The following AGBL1 variants were observed in gnomAD, a reference collection of about 807,000 sequenced individuals.
The protein encoded by AGBL1 is cytosolic carboxypeptidase 4.
In AGBL1, 130 loss-of-function variants were observed where a neutral mutation model predicts 118.9. The observed-to-expected ratio is 1.09, with a 90% CI of 0.95 to 1.26. The LOEUF (loss-of-function observed/expected upper bound fraction) is 1.26. AGBL1 is among the 50% of genes most tolerant of loss of function. AGBL1 has a pLI of 0.00. For synonymous variants in AGBL1, 555 were observed against 478.9 expected (o/e 1.16, Z -2.08); for missense variants, 1,584 against 1,298.1 (o/e 1.22, Z -3.38).
At chr15:86,490,881 A>G (rs2082769346) in intron 18 of AGBL1, among the ~76,000 whole-genome samples, 1 of 152,112 alleles carries the variant, frequency 6.6e-6, no homozygotes, top group African/African-American at 2.4e-5. Flanking sequence ...TTGTTCTGTA[A>G]CTTCTGTGAG....
intron 22 of AGBL1, among the ~76,000 whole-genome samples, chr15:86,777,595 A>G (rs2078276768): frequency 6.6e-6 from 1 of 152,188 alleles, no homozygotes; most frequent in African/African-American, 2.4e-5. Context: ...TTATGACATT[A>G]TAATTACCAT....
chr15:86,591,953 T>G (rs1352019359), intron 21 of AGBL1, among the ~76,000 whole-genome samples: 1 of 152,104 alleles, frequency 6.6e-6, no homozygotes, highest in Non-Finnish European at 1.5e-5. Flanking sequence ...ACTGTGGAGA[T>G]TCTAAGGATT....
chr15:86,197,910 G>A (rs1425906748), intron 5 of AGBL1, among the ~76,000 whole-genome samples: 1 of 151,730 alleles, frequency 6.6e-6, no homozygotes, highest in Non-Finnish European at 1.5e-5. Context: ...AAAAAAAAAG[G>A]AAAGACTCCA....
At chr15:86,658,632 C>CTCT (rs1300234997) in intron 21 of AGBL1, among the ~76,000 whole-genome samples, 5 of 152,330 alleles carry the variant, frequency 3.3e-5, no homozygotes, top group South Asian at 2.1e-4. Flanking sequence ...TGTAGACTGA[C>CTCT]TCTTACTTTG....
chr15:86,804,903 T>G (rs2078696403), intron 22 of AGBL1, among the ~76,000 whole-genome samples: 1 of 152,120 alleles, frequency 6.6e-6, no homozygotes, highest in Admixed American at 6.6e-5. Flanking sequence ...AACCATGGAA[T>G]ATAAACCAAG....
At chr15:86,654,539 T>A (rs888815411) in intron 21 of AGBL1, among the ~76,000 whole-genome samples, 7 of 152,190 alleles carry the variant, frequency 4.6e-5, no homozygotes, top group Admixed American at 3.9e-4. Context: ...TTAGTGTCCA[T>A]TAGTACCAGG....
rs536447835 is a variant in AGBL1 at position 86,710,434 on chromosome 15, A to G, written c.3158+35998A>G. Among the ~76,000 whole-genome samples, 15 of 152,326 alleles carry G rather than the reference A, an allele frequency of 9.8e-5. No individual in the cohort carries two copies. The East Asian group carries it at 2.3e-3, about 24-fold the overall frequency. On this transcript the variant is annotated intron_variant, in intron 22 of 22. Transcript: ENST00000614907. ...AATGACTGTGAACCAAGGTAGTTCT[A>G]TTATTTCCAATGGAAAGATAATTTG...
rs913187067 is a variant in AGBL1, at chr15:86,571,757, G to A, written c.2994+17220G>A. 3.9e-5 allele frequency among the ~76,000 whole-genome samples: 6 copies of A among 152,292 alleles called. No individual in the cohort carries two copies. In the East Asian group the frequency reaches 9.7e-4, roughly 25 times the overall value. On this transcript the variant is annotated intron_variant, in intron 21 of 22. Coordinates refer to ENST00000614907, the MANE Select transcript of AGBL1 (RefSeq NM_001386094.1). Reference sequence around the variant, plus strand: ...CTGATTGATCCATGAGCAGCCATGGGTGGGCCCAGGCAAAAGCACCACAAG... The same window carrying A: ...CTGATTGATCCATGAGCAGCCATGGATGGGCCCAGGCAAAAGCACCACAAG...
At chr15:86,163,531 C>A (rs59608099) in intron 5 of AGBL1, among the ~76,000 whole-genome samples, 4,332 of 152,106 alleles carry the variant, frequency 0.028, 81 homozygotes, top group Middle Eastern at 0.048. Context: ...AGTTTGAGAC[C>A]AGCCTGGCCA....
intron 5 of AGBL1, among the ~76,000 whole-genome samples, chr15:86,216,476 T>C (rs2078190605): frequency 2.0e-5 from 3 of 152,216 alleles, no homozygotes. Flanking sequence ...AAAAATATGA[T>C]GGATTTTATC....
intron 17 of AGBL1, among the ~76,000 whole-genome samples, chr15:86,343,511 G>A (rs1459021651): frequency 6.6e-6 from 1 of 152,108 alleles, no homozygotes; most frequent in African/African-American, 2.4e-5. Flanking sequence ...TGCCCCAGTC[G>A]GGTTGGAAAT....
At chr15:87,005,692 T>A (rs2081491985) in intron 24 of AGBL1, among the ~76,000 whole-genome samples, 1 of 152,232 alleles carries the variant, frequency 6.6e-6, no homozygotes, top group South Asian at 2.1e-4. Flanking sequence ...TCTCTACTTG[T>A]CAAAGTCATT....
Position 86,964,374 on chromosome 15 carries a change from A to G in AGBL1, c.3222-23613A>G, listed in dbSNP as rs143942700. 3.2e-4 allele frequency among the ~76,000 whole-genome samples: 48 copies of G among 152,026 alleles called. No homozygotes were observed. In the East Asian group the frequency reaches 9.0e-3, roughly 28 times the overall value. On this transcript the variant is annotated intron_variant, in intron 23 of 24. Transcript: ENST00000441037. ...TTAGAAGCATCCCTGATTGCTACCC[A>G]CTAGATGTCAGAAGCACATTACCCA...
At chr15:86,991,699 G>A (rs11636069) in intron 24 of AGBL1, among the ~76,000 whole-genome samples, 17,096 of 152,088 alleles carry the variant, frequency 0.11, 1,063 homozygotes, top group East Asian at 0.14. Flanking sequence ...AGAGATGCCT[G>A]CCTGTGAGTA....
intron 23 of AGBL1, among the ~76,000 whole-genome samples, chr15:86,968,599 T>G (rs530075544): frequency 6.6e-6 from 1 of 152,048 alleles, no homozygotes; most frequent in East Asian, 1.9e-4. Context: ...GGTCTGATTT[T>G]CATCTTACCC....
At chr15:86,560,299 CCCG>C (rs1245576834) in intron 21 of AGBL1, among the ~76,000 whole-genome samples, 2 of 150,288 alleles carry the variant, frequency 1.3e-5, no homozygotes, top group Non-Finnish European at 3.0e-5. Flanking sequence ...CCTCCCCACC[CCCG>C]CAACAGTCCC....
intron 22 of AGBL1, among the ~76,000 whole-genome samples, chr15:86,764,442 T>C (rs1358259153): frequency 6.6e-6 from 1 of 152,052 alleles, no homozygotes; most frequent in African/African-American, 2.4e-5. Context: ...GTGTGTCTAA[T>C]GCTCTGTGTG....
intron 23 of AGBL1, among the ~76,000 whole-genome samples, chr15:86,977,757 T>G (rs1023697171): frequency 1.3e-5 from 2 of 152,052 alleles, no homozygotes; most frequent in African/African-American, 2.4e-5. Context: ...TGCATCCTAC[T>G]TTTGTATGAT....
At chr15:86,872,271 C>T (rs576628031) in intron 22 of AGBL1, among the ~76,000 whole-genome samples, 56 of 152,260 alleles carry the variant, frequency 3.7e-4, no homozygotes, top group South Asian at 1.2e-3. Flanking sequence ...TTTATGAAGT[C>T]AAATAGGCAA....
Sources: allele counts gnomAD v4.1 joint callset (sites outside exome capture counted in the v4.1 genomes callset), GRCh38; gene constraint gnomAD v4.1.1; transcripts MANE v1.5; gene names NCBI Gene and HGNC (gene_info 2026-07-23, HGNC 2026-07-21).